Variants in B3GALT1 observed in about 807,000 individuals in gnomAD.
The protein encoded by B3GALT1 is beta-1,3-galactosyltransferase 1.
In B3GALT1, 10 loss-of-function variants were observed where a neutral mutation model predicts 23.2. The ratio of observed to expected loss-of-function variants is 0.43; its 90% confidence interval spans 0.27 to 0.73. B3GALT1 has a LOEUF of 0.73. Among genes scored for constraint, B3GALT1 ranks in the 30% least tolerant of loss-of-function variants. The pLI is 0.21. For missense variants in B3GALT1, 299 were observed against 405.4 expected (o/e 0.74, Z 2.25); for synonymous variants, 156 against 141.5 (o/e 1.10, Z -0.73).
chr2:167,709,475 AGATGTCATTGGGTTTTT>A (rs985082414), intron 3 of B3GALT1, among the ~76,000 whole-genome samples: 1 of 152,192 alleles, frequency 6.6e-6, no homozygotes, highest in African/African-American at 2.4e-5. Context: ...CCAGGGCTCA[AGATGTCATTGGGTTTTT>A]GAGTATGCTA....
intron 2 of B3GALT1, among the ~76,000 whole-genome samples, chr2:167,603,316 A>G (rs977671364): frequency 3.9e-5 from 6 of 152,214 alleles, no homozygotes; most frequent in African/African-American, 1.2e-4. Flanking sequence ...GAAGATACAG[A>G]TAAATGCCAA....
intron 3 of B3GALT1, among the ~76,000 whole-genome samples, chr2:167,808,923 A>G (rs1422726388): frequency 5.9e-5 from 9 of 152,330 alleles, no homozygotes; most frequent in Non-Finnish European, 1.2e-4. Flanking sequence ...AGGTACACCA[A>G]TCAGACGTAG....
chr2:167,715,476 G>A, intron 3 of B3GALT1: 2 of 1,607,822 alleles, frequency 1.2e-6, no homozygotes, highest in South Asian at 1.1e-5. Flanking sequence ...GTCATTGGAA[G>A]AATCTTGCAG....
At chr2:167,524,803 C>T (rs1364798266) in intron 2 of B3GALT1, among the ~76,000 whole-genome samples, 1 of 152,200 alleles carries the variant, frequency 6.6e-6, no homozygotes, top group Non-Finnish European at 1.5e-5. Flanking sequence ...CAAATAGTCA[C>T]ACTATCAGCA....
chr2:167,686,817 A>G (rs1253832406), intron 3 of B3GALT1, among the ~76,000 whole-genome samples: 1 of 152,180 alleles, frequency 6.6e-6, no homozygotes, highest in African/African-American at 2.4e-5. Flanking sequence ...GGTACTGACT[A>G]TTCTTCACGT....
chr2:167,692,205 A>G (rs1000984507), intron 3 of B3GALT1, among the ~76,000 whole-genome samples: 1 of 152,136 alleles, frequency 6.6e-6, no homozygotes, highest in African/African-American at 2.4e-5. Flanking sequence ...TAGCAGGAAG[A>G]GAGAGAGTGG....
intron 2 of B3GALT1, among the ~76,000 whole-genome samples, chr2:167,586,076 T>C (rs1204826723): frequency 6.6e-6 from 1 of 152,212 alleles, no homozygotes; most frequent in Non-Finnish European, 1.5e-5. Context: ...GTGTATTCAC[T>C]TAGTAAACAC....
intron 1 of B3GALT1, among the ~76,000 whole-genome samples, chr2:167,443,552 A>G (rs1320432178): frequency 6.6e-6 from 1 of 152,094 alleles, no homozygotes; most frequent in Non-Finnish European, 1.5e-5. Flanking sequence ...TTCGTTGAGC[A>G]GTGGTTTGTA....
intron 1 of B3GALT1, among the ~76,000 whole-genome samples, chr2:167,334,574 T>C (rs1191313287): frequency 6.6e-6 from 1 of 152,160 alleles, no homozygotes; most frequent in East Asian, 1.9e-4. Flanking sequence ...TACTTCCTTA[T>C]TGAAGGAAGA....
chr2:167,458,545 CA>C (rs1699207231), intron 1 of B3GALT1, among the ~76,000 whole-genome samples: 1 of 152,216 alleles, frequency 6.6e-6, no homozygotes, highest in South Asian at 2.1e-4. Context: ...CTGTCTTCCA[CA>C]CCAGCTGTAC....
At chr2:167,368,637 A>G (rs1223973433) in intron 1 of B3GALT1, among the ~76,000 whole-genome samples, 1 of 152,204 alleles carries the variant, frequency 6.6e-6, no homozygotes, top group Non-Finnish European at 1.5e-5. Context: ...GCATCTCTTT[A>G]AGCAGATTAC....
chr2:167,319,807 A>G (rs1025263290), intron 1 of B3GALT1, among the ~76,000 whole-genome samples: 1 of 152,156 alleles, frequency 6.6e-6, no homozygotes, highest in Non-Finnish European at 1.5e-5. Context: ...TGTTTACTGC[A>G]TGCCAAGGTC....
At chr2:167,744,580 A>G (rs1241664119) in intron 3 of B3GALT1, among the ~76,000 whole-genome samples, 1 of 151,594 alleles carries the variant, frequency 6.6e-6, no homozygotes, top group Non-Finnish European at 1.5e-5. Flanking sequence ...GTTTTCTTAT[A>G]GGCCTATCTC....
chr2:167,375,683 G>T (rs1394134828), intron 1 of B3GALT1, among the ~76,000 whole-genome samples: 5 of 152,124 alleles, frequency 3.3e-5, no homozygotes, highest in Non-Finnish European at 5.9e-5. Flanking sequence ...TTTGTACATA[G>T]ATTTTTGTAT....
At chr2:167,705,467 T>C (rs567685003) in intron 3 of B3GALT1, among the ~76,000 whole-genome samples, 1 of 142,648 alleles carries the variant, frequency 7.0e-6, no homozygotes, top group East Asian at 1.9e-4. Context: ...ATCAAGATGC[T>C]TTTTTTTAAT....
intron 2 of B3GALT1, among the ~76,000 whole-genome samples, chr2:167,616,394 T>C (rs563036574): frequency 3.9e-5 from 6 of 152,090 alleles, no homozygotes; most frequent in South Asian, 4.2e-4. Context: ...TCTGTGTCTC[T>C]GTAGGAAAAA....
intron 3 of B3GALT1, among the ~76,000 whole-genome samples, chr2:167,774,497 G>GTTTTTTTTTTTTTTTTTTTTTTTT (rs397986581): frequency 3.6e-5 from 3 of 82,972 alleles, no homozygotes; most frequent in African/African-American, 4.8e-5. Flanking sequence ...TTTTTTTTTT[G>GTTTTTTTTTTTTTTTTTTTTTTTT]TTTTTTTTTT....
At chr2:167,386,957 CCT>C (rs1331778224) in intron 1 of B3GALT1, among the ~76,000 whole-genome samples, 8 of 152,260 alleles carry the variant, frequency 5.3e-5, no homozygotes, top group African/African-American at 1.7e-4. Flanking sequence ...TTGAGTGACT[CCT>C]TGGTTGCTTT....
At chr2:167,749,179 A>G (rs1420143416) in intron 3 of B3GALT1, among the ~76,000 whole-genome samples, 1 of 152,208 alleles carries the variant, frequency 6.6e-6, no homozygotes, top group Non-Finnish European at 1.5e-5. Flanking sequence ...CAACCTTTTC[A>G]TAGACAGATA....
Sources: gnomAD v4.1 joint callset for allele counts (sites outside exome capture counted in the v4.1 genomes callset) on GRCh38, gnomAD v4.1.1 for gene constraint, MANE v1.5 for transcripts, NCBI Gene and HGNC (gene_info 2026-07-23, HGNC 2026-07-21) for gene names.